Variants in ARID1B observed in about 807,000 individuals in gnomAD.
The protein encoded by ARID1B is AT-rich interaction domain 1B.
In ARID1B, 30 loss-of-function variants were observed where a neutral mutation model predicts 212.3. The observed-to-expected ratio is 0.14, with a 90% CI of 0.11 to 0.19. ARID1B has a LOEUF of 0.19. Among genes scored for constraint, ARID1B ranks in the 10% least tolerant of loss-of-function variants. ARID1B has a pLI of 1.00. For missense variants in ARID1B, 2,891 were observed against 3,204.0 expected, an observed-to-expected ratio of 0.90 and a Z score of 2.36; for synonymous variants, 1,402 against 1,301.7, an observed-to-expected ratio of 1.08 and a Z score of -1.66.
At chr6:156,788,771 G>A (rs555803880) in intron 1 of ARID1B, among the ~76,000 whole-genome samples, 25 of 152,160 alleles carry the variant, frequency 1.6e-4, no homozygotes, top group Non-Finnish European at 3.2e-4. Flanking sequence ...TAAGAGTACC[G>A]GGGTCCTCCC....
At chr6:156,852,575 C>T (rs1784651412) in intron 2 of ARID1B, among the ~76,000 whole-genome samples, 1 of 152,058 alleles carries the variant, frequency 6.6e-6, no homozygotes, top group African/African-American at 2.4e-5. Flanking sequence ...CCCCTCTGAG[C>T]CCCCAATTTT....
chr6:156,785,555 T>A (rs1403896345), intron 1 of ARID1B, among the ~76,000 whole-genome samples: 2 of 152,172 alleles, frequency 1.3e-5, no homozygotes, highest in Non-Finnish European at 2.9e-5. Context: ...AAGCTATACG[T>A]ACATAACATA....
chr6:156,804,408 GA>G (rs1389287310), intron 1 of ARID1B, among the ~76,000 whole-genome samples: 2 of 151,884 alleles, frequency 1.3e-5, no homozygotes, highest in Non-Finnish European at 2.9e-5. Flanking sequence ...ATCATAAAGA[GA>G]GCTTTATTTA....
intron 8 of ARID1B, chr6:157,151,688 AT>A (rs1790208501): frequency 6.6e-6 from 1 of 152,244 alleles, no homozygotes; most frequent in African/African-American, 2.4e-5. Flanking sequence ...GCTAAAAAAA[AT>A]AATTATTGCT....
chr6:156,912,027 A>G (rs1789931299), intron 3 of ARID1B, among the ~76,000 whole-genome samples: 2 of 152,134 alleles, frequency 1.3e-5, no homozygotes, highest in South Asian at 4.1e-4. Context: ...GAAAGTAAAG[A>G]TTTCTTTTCT....
chr6:156,799,579 C>G (rs1307883177), intron 1 of ARID1B, among the ~76,000 whole-genome samples: 3 of 152,152 alleles, frequency 2.0e-5, no homozygotes, highest in African/African-American at 7.2e-5. Context: ...CAGGTTCAAG[C>G]GATTCTCCTG....
At chr6:156,887,821 A>G (rs1039322803) in intron 2 of ARID1B, among the ~76,000 whole-genome samples, 2 of 152,202 alleles carry the variant, frequency 1.3e-5, no homozygotes, top group South Asian at 4.1e-4. Flanking sequence ...CGAATGAGTA[A>G]TTTATATGCA....
rs74854667 is a variant in ARID1B at position 157,042,427 on chromosome 6, A to G, written c.2248-42235A>G. ...TCCACAAAATCAAAAATATTTTGAT[A>G]GGGTGTTTTGGCTGACATGTTCTTT... On this transcript the variant is annotated intron_variant, in intron 4 of 19. Coordinates refer to ENST00000636930, the MANE Select transcript of ARID1B (RefSeq NM_001374828.1). 1.5e-4 allele frequency among the ~76,000 whole-genome samples: 22 copies of G among 147,602 alleles called. 1 individual carries two copies. The East Asian group carries it at 4.2e-3, about 28-fold the overall frequency.
intron 2 of ARID1B, among the ~76,000 whole-genome samples, chr6:156,894,299 T>TGGGGGCCGGGGGGTGGGGAG (rs1326684088): frequency 9.4e-3 from 69 of 7,328 alleles, no homozygotes; most frequent in Non-Finnish European, 0.012. Flanking sequence ...GGGGTTGGGA[T>TGGGGGCCGGGGGGTGGGGAG]GGGGGCCGGG....
rs184998067 is a variant in ARID1B, at chr6:157,039,797, T to C, written c.2248-44865T>C. 1.4e-3 allele frequency among the ~76,000 whole-genome samples: 187 copies of C among 134,324 alleles called. 1 individual carries two copies. The highest frequency in any genetic ancestry group is 2.0e-3 in the Non-Finnish European group (129 of 63,520). The allele number at this position is 134,324 out of a possible 152,430, so 88.1% of individuals were successfully genotyped here. ...CCTACCTTCCTTCCTTCCTTCCTTC[T>C]TTCTTTCTCTTTCTTTCTTTTTCTC... On this transcript the variant is annotated intron_variant, in intron 4 of 19. Coordinates refer to ENST00000636930, the MANE Select transcript of ARID1B (RefSeq NM_001374828.1).
chr6:156,964,156 A>C (rs962235282), intron 4 of ARID1B, among the ~76,000 whole-genome samples: 1 of 152,144 alleles, frequency 6.6e-6, no homozygotes, highest in African/African-American at 2.4e-5. Flanking sequence ...TGCCTTATTA[A>C]CTCATCTTGC....
intron 1 of ARID1B, among the ~76,000 whole-genome samples, chr6:156,825,557 A>C (rs1364545215): frequency 6.6e-6 from 1 of 152,226 alleles, no homozygotes; most frequent in Non-Finnish European, 1.5e-5. Context: ...GATAAGATGA[A>C]TTTGCTGCAC....
chr6:157,188,963 A>G (rs1233508018), intron 13 of ARID1B, among the ~76,000 whole-genome samples: 1 of 152,192 alleles, frequency 6.6e-6, no homozygotes, highest in Non-Finnish European at 1.5e-5. Flanking sequence ...GCCAAATCTC[A>G]GCACCCTGAT....
At chr6:156,847,847 T>A (rs1230448571) in intron 2 of ARID1B, among the ~76,000 whole-genome samples, 1 of 152,182 alleles carries the variant, frequency 6.6e-6, no homozygotes, top group African/African-American at 2.4e-5. Context: ...TGGCTTGCTC[T>A]CCAGGAGTCA....
chr6:156,839,617 G>A (rs1783753476), intron 2 of ARID1B, among the ~76,000 whole-genome samples: 3 of 152,138 alleles, frequency 2.0e-5, no homozygotes, highest in Admixed American at 1.3e-4. Flanking sequence ...CCTCCTTGGC[G>A]TCAAAATAAA....
intron 3 of ARID1B, among the ~76,000 whole-genome samples, chr6:156,902,438 G>C (rs115939689): frequency 6.6e-6 from 1 of 152,038 alleles, no homozygotes; most frequent in Admixed American, 6.6e-5. Flanking sequence ...TGAATAGATC[G>C]TGGATATTAA....
chr6:156,970,464 C>T (rs1045064210), intron 4 of ARID1B, among the ~76,000 whole-genome samples: 1 of 152,212 alleles, frequency 6.6e-6, no homozygotes, highest in African/African-American at 2.4e-5. Flanking sequence ...TGGCATTTCA[C>T]TCTCTTCTGT....
At chr6:157,007,632 T>G (rs905585987) in intron 4 of ARID1B, among the ~76,000 whole-genome samples, 13 of 152,078 alleles carry the variant, frequency 8.5e-5, no homozygotes, top group African/African-American at 3.1e-4. Context: ...AGAGTTGTTG[T>G]AAGAAGATAA....
At chr6:156,998,214 T>C (rs551658495) in intron 4 of ARID1B, among the ~76,000 whole-genome samples, 45 of 134,782 alleles carry the variant, frequency 3.3e-4, no homozygotes, top group Middle Eastern at 3.6e-3. Context: ...CTCTCTCTCT[T>C]TTTTTTTTTT....
Sources: gnomAD v4.1 joint callset for allele counts (sites outside exome capture counted in the v4.1 genomes callset) on GRCh38, gnomAD v4.1.1 for gene constraint, MANE v1.5 for transcripts, NCBI Gene and HGNC (gene_info 2026-07-23, HGNC 2026-07-21) for gene names.